DAAM2: variants seen among roughly 807,000 people sequenced by gnomAD.
DAAM2 encodes the protein disheveled-associated activator of morphogenesis 2.
A neutral mutation model predicts 120.7 loss-of-function variants in DAAM2; 39 were observed. The ratio of observed to expected loss-of-function variants is 0.32; its 90% confidence interval spans 0.25 to 0.42. The LOEUF is 0.42. DAAM2 is among the 10% of genes least tolerant of loss of function. The probability of loss-of-function intolerance (pLI) is 1.00; values close to 1 mark genes in which losing one functional copy is unlikely to be tolerated. For synonymous variants in DAAM2, 488 were observed against 524.9 expected, an observed-to-expected ratio of 0.93 and a Z score of 0.96; for missense variants, 1,283 against 1,401.7, an observed-to-expected ratio of 0.92 and a Z score of 1.35.
rs547094868 is a variant in DAAM2 at position 39,832,842 on chromosome 6, G to A, written c.-56-23405G>A. On this transcript the variant is annotated intron_variant, in intron 1 of 24. Coordinates refer to ENST00000274867, the MANE Select transcript of DAAM2 (RefSeq NM_001201427.2). ...CCATTGAAGGGGCCAGGTCTGGTCCGGTCCCCAGGGCTTCTGAGGGTAGAC... is the reference window on the plus strand; with the variant it reads ...CCATTGAAGGGGCCAGGTCTGGTCCAGTCCCCAGGGCTTCTGAGGGTAGAC... Among the ~76,000 whole-genome samples, 4 of 152,238 alleles carry A rather than the reference G, an allele frequency of 2.6e-5. 1 individual carries two copies. The highest frequency in any genetic ancestry group is 4.8e-5 in the African/African-American group (2 of 41,548).
At chr6:39,825,394 CAAAACA>C (rs1276746664) in intron 1 of DAAM2, among the ~76,000 whole-genome samples, 2 of 103,998 alleles carry the variant, frequency 1.9e-5, no homozygotes, top group African/African-American at 1.0e-4. Flanking sequence ...TAAAACAAAA[CAAAACA>C]AAACAAAACA....
rs1338426064 is a variant in DAAM2 at position 39,896,870 on chromosome 6, G to A, written c.2400G>A (p.Glu800=). 1.9e-6 allele frequency: 3 copies of A among 1,613,464 alleles called. No homozygotes were observed. Among genetic ancestry groups the A allele is most frequent in the Admixed American group, 1.7e-5 (1 of 59,960 alleles). Residue 800 remains glutamate (E), a synonymous_variant, in exon 20 of 25, where the codon GAG becomes GAA. Transcript: ENST00000274867. ...GCAAGCGTCTTAGACAGATGCTAGA[G>A]GTCATCCTAGCCATAGGCAACTTCA... ...VRSKRLRQML[E]VILAIGNFMN... is the part of the protein sequence containing the mutation.
At chr6:39,887,351 C>T (rs1047775766) in intron 15 of DAAM2, 135 bp from the exon 16 acceptor site, 1 of 625,172 alleles carries the variant, frequency 1.6e-6, no homozygotes. Flanking sequence ...CCTCCTCTCT[C>T]TCCTGTCTTT....
rs142799194 is a variant in DAAM2, at chr6:39,819,301, G to A, written c.-57+26836G>A. On this transcript the variant is annotated intron_variant, in intron 1 of 24. Coordinates refer to ENST00000274867, the MANE Select transcript of DAAM2 (RefSeq NM_001201427.2). Reference sequence around the variant, plus strand: ...TGGCCCAGCTGAAAATGGGCTTGGGGAGCCTGGCCAGTCCTTCAGGTCCAT... The same window carrying A: ...TGGCCCAGCTGAAAATGGGCTTGGGAAGCCTGGCCAGTCCTTCAGGTCCAT... The A allele has an allele frequency of 7.3e-3, 1,111 of 152,294 alleles. 12 individuals carry two copies. The highest frequency in any genetic ancestry group is 0.027 in the Middle Eastern group (8 of 294). 9.4% of individuals were successfully genotyped at this position (152,294 alleles called of 1,614,324 possible). A position where few individuals can be genotyped will look rare whatever the true frequency, so the allele number is the denominator to read the frequency against.
intron 1 of DAAM2, among the ~76,000 whole-genome samples, chr6:39,801,528 T>C (rs2987592): frequency 0.49 from 73,997 of 152,058 alleles, 18,562 homozygotes; most frequent in Admixed American, 0.52. Flanking sequence ...GGGACCCTGC[T>C]GGCCCACTGG....
chr6:39,865,559 G>A (rs1292221082), intron 5 of DAAM2, among the ~76,000 whole-genome samples: 2 of 152,138 alleles, frequency 1.3e-5, no homozygotes, highest in African/African-American at 2.4e-5. Context: ...CATGGAAAAT[G>A]GGGTAGAAGT....
chr6:39,809,112 G>A (rs976576275), intron 1 of DAAM2, among the ~76,000 whole-genome samples: 3 of 152,326 alleles, frequency 2.0e-5, no homozygotes, highest in East Asian at 3.9e-4. Context: ...CCAGGAAGCC[G>A]TTAGTGCTTC....
At position 39,901,723 on chromosome 6, in the gene DAAM2, T is replaced by C. The variant is rs532112688; in HGVS notation, c.2983-90T>C. ...CAGATACAGGCAGGCAGCATGACCATGGCCTAGGAGTTAGCCCAGGGTTGG... is the reference window on the plus strand; with the variant it reads ...CAGATACAGGCAGGCAGCATGACCACGGCCTAGGAGTTAGCCCAGGGTTGG... On this transcript the variant is annotated intron_variant, in intron 24 of 24. Coordinates refer to ENST00000274867, the MANE Select transcript of DAAM2 (RefSeq NM_001201427.2). The surrounding 1 kb of genome is among the most constrained non-coding windows in gnomAD (Gnocchi z 4.5). The C allele has an allele frequency of 3.2e-5, 40 of 1,251,864 alleles. No individual in the cohort carries two copies. In the African/African-American group the frequency reaches 4.7e-4, roughly 15 times the overall value. 77.5% of individuals were successfully genotyped at this position (1,251,864 alleles called of 1,614,324 possible). A position where few individuals can be genotyped will look rare whatever the true frequency, so the allele number is the denominator to read the frequency against.
chr6:39,806,026 T>G (rs1762000690), intron 1 of DAAM2, among the ~76,000 whole-genome samples: 1 of 152,150 alleles, frequency 6.6e-6, no homozygotes, highest in Admixed American at 6.5e-5. Flanking sequence ...GTCCTTACTC[T>G]CAAGCATTTC....
intron 19 of DAAM2, among the ~76,000 whole-genome samples, chr6:39,894,610 T>C (rs1268407074): frequency 2.0e-5 from 3 of 151,228 alleles, no homozygotes; most frequent in East Asian, 3.9e-4. Context: ...TTGAACTTTA[T>C]TTTTTAAATT....
Position 39,834,751 on chromosome 6 carries a change from G to A in DAAM2, c.-56-21496G>A, listed in dbSNP as rs919692701. ...AAATCCAGCCATAATCACACCACAT[G>A]CATTTGGATTCACATTTCCAAAAGC... On this transcript the variant is annotated intron_variant, in intron 1 of 24. Coordinates refer to ENST00000274867, the MANE Select transcript of DAAM2 (RefSeq NM_001201427.2). Among the ~76,000 whole-genome samples the A allele has an allele frequency of 6.6e-5, 10 of 152,160 alleles. 1 individual carries two copies. Among genetic ancestry groups the A allele is most frequent in the South Asian group, 2.1e-4 (1 of 4,834 alleles).
At chr6:39,864,873 C>A in intron 4 of DAAM2, 107 bp from the exon 5 acceptor site, 1 of 1,388,276 alleles carries the variant, frequency 7.2e-7, no homozygotes, top group Non-Finnish European at 9.9e-7. Flanking sequence ...TAAACCATTC[C>A]CTGAGGCCTC....
Position 39,896,911 on chromosome 6 carries a change from G to A in DAAM2, c.2441G>A (p.Arg814His), listed in dbSNP as rs532444504. The stretch of plus-strand genomic sequence containing the variant: ...GGCAACTTCATGAACAAAGGGCAGC[G>A]TGGGGGCGCCTACGGGTTCCGGGTG... ...AIGNFMNKGQRGGAYGFRVAS... is the reference protein window; with the variant it reads ...AIGNFMNKGQHGGAYGFRVAS... Residue 814 changes from arginine (R) to histidine (H), a missense_variant, in exon 20 of 25, where the codon CGT (arginine) becomes CAT (histidine). This residue lies in a region of DAAM2 where 748 missense variants were observed against 768.6 expected (regional missense o/e 0.97). Transcript: ENST00000274867. 31 of 1,613,800 alleles carry A rather than the reference G, an allele frequency of 1.9e-5. No individual in the cohort carries two copies. Among genetic ancestry groups the A allele is most frequent in the Admixed American group, 1.0e-4 (6 of 60,010 alleles).
In DAAM2 at chr6:39,904,691, T is replaced by TATC. The variant is rs1164167038; in HGVS notation, c.*2655_*2657dup. ...TTTCCACCAACTGGGGAACTGTGAC[T>TATC]ATCTATCTCCCCCGACTTCTACCAG... On this transcript the variant is annotated 3_prime_UTR_variant, in exon 25 of 25. Transcript: ENST00000274867. 1.4e-5 allele frequency: 6 copies of TATC among 440,848 alleles called. No individual in the cohort carries two copies. Among genetic ancestry groups the TATC allele is most frequent in the Admixed American group, 4.8e-5 (2 of 41,784 alleles). 27.3% of individuals were successfully genotyped at this position (440,848 alleles called of 1,614,324 possible).
chr6:39,820,289 C>G (rs1762446833), intron 1 of DAAM2: 1 of 152,198 alleles, frequency 6.6e-6, no homozygotes, highest in Non-Finnish European at 1.5e-5. Flanking sequence ...GGAGCCTGGA[C>G]TTCGCTGAAT....
At position 39,902,569 on chromosome 6, in the gene DAAM2, T is replaced by G. The variant is rs1766554933; in HGVS notation, c.*532T>G. The G allele has an allele frequency of 6.6e-6, 1 of 152,472 alleles. No individual in the cohort carries two copies. Among genetic ancestry groups the G allele is most frequent in the Non-Finnish European group, 1.5e-5 (1 of 68,254 alleles). 9.4% of individuals were successfully genotyped at this position (152,472 alleles called of 1,614,324 possible). ...GGAACAGAGGAGGCATTATATATTC[T>G]AGTTAGATCAGCTCTGGTAGGTTCC... On this transcript the variant is annotated 3_prime_UTR_variant, in exon 25 of 25. Transcript: ENST00000274867.
chr6:39,887,867 G>A (rs528983988), intron 16 of DAAM2: 2 of 423,772 alleles, frequency 4.7e-6, no homozygotes, highest in Non-Finnish European at 8.8e-6. Context: ...TCAGGCCATG[G>A]AGCAGCATGA....
intron 1 of DAAM2, chr6:39,855,949 C>A: frequency 1.3e-6 from 1 of 785,256 alleles, no homozygotes; most frequent in Non-Finnish European, 1.5e-6. Flanking sequence ...AAGTCACATT[C>A]AGTGACCCCA....
At chr6:39,898,106 G>T (rs1259111140) in intron 21 of DAAM2, among the ~76,000 whole-genome samples, 1 of 152,236 alleles carries the variant, frequency 6.6e-6, no homozygotes, top group East Asian at 1.9e-4. Context: ...TAGAAAGAAT[G>T]CCAGTAACAA....
Sources: allele counts gnomAD v4.1 joint callset (sites outside exome capture counted in the v4.1 genomes callset), GRCh38; gene constraint gnomAD v4.1.1; regional missense constraint gnomAD v4.1.1; non-coding constraint Gnocchi (gnomAD v3.1); transcripts MANE v1.5; gene names NCBI Gene and HGNC (gene_info 2026-07-23, HGNC 2026-07-21).